Variants in RALYL observed in about 807,000 individuals in gnomAD.
RALYL encodes RNA-binding Raly-like protein.
A neutral mutation model predicts 35.1 loss-of-function variants in RALYL; 29 were observed. The observed-to-expected ratio is 0.83, with a 90% CI of 0.61 to 1.13. The LOEUF is 1.13. Among genes scored for constraint, RALYL ranks in the 50% most tolerant of loss-of-function variants. The pLI, the probability that RALYL is intolerant of heterozygous loss-of-function variation, is 0.00. For missense variants in RALYL, 359 were observed against 360.4 expected (o/e 1.00, Z 0.03); for synonymous variants, 120 against 127.6 (o/e 0.94, Z 0.40).
intron 1 of RALYL, among the ~76,000 whole-genome samples, chr8:84,211,995 A>G (rs571523740): frequency 6.6e-6 from 1 of 152,302 alleles, no homozygotes; most frequent in Non-Finnish European, 1.5e-5. Context: ...TAAGGAAGGT[A>G]AGTCCAAGGT....
At chr8:84,611,489 T>TA (rs1307774321) in intron 2 of RALYL, among the ~76,000 whole-genome samples, 1 of 152,074 alleles carries the variant, frequency 6.6e-6, no homozygotes, top group African/African-American at 2.4e-5. Context: ...AGGTATTAAA[T>TA]AGAGACACTT....
chr8:84,365,789 T>C (rs750744023), intron 1 of RALYL, among the ~76,000 whole-genome samples: 23 of 152,218 alleles, frequency 1.5e-4, no homozygotes, highest in Admixed American at 7.2e-4. Context: ...GGTTAGTACA[T>C]AGAATTGAAG....
intron 1 of RALYL, among the ~76,000 whole-genome samples, chr8:84,349,555 G>A (rs1460396978): frequency 6.7e-6 from 1 of 150,190 alleles, no homozygotes; most frequent in Non-Finnish European, 1.5e-5. Context: ...AGTTACTTGA[G>A]CTTCAAATTC....
chr8:84,294,878 A>G (rs1395744032), intron 1 of RALYL, among the ~76,000 whole-genome samples: 4 of 152,166 alleles, frequency 2.6e-5, no homozygotes, highest in East Asian at 1.9e-4. Flanking sequence ...ATGTTTGGCT[A>G]GGGAACATAA....
In RALYL at chr8:84,678,253, G is replaced by T. The variant is rs183812503; in HGVS notation, c.257-96326G>T. 4.2e-3 allele frequency among the ~76,000 whole-genome samples: 636 copies of T among 151,198 alleles called. 3 individuals carry two copies. The highest frequency in any genetic ancestry group is 0.014 in the African/African-American group (563 of 40,828). On this transcript the variant is annotated intron_variant, in intron 2 of 8. Transcript: ENST00000521268. The stretch of plus-strand genomic sequence containing the variant: ...TTTGCCCTGCAAGTATAGTTTTTTT[G>T]TTGTTTTTTTGTTTTTGTTTTTGTT...
chr8:84,346,718 C>T (rs1029915742), intron 1 of RALYL, among the ~76,000 whole-genome samples: 3 of 152,060 alleles, frequency 2.0e-5, no homozygotes, highest in Admixed American at 6.6e-5. Flanking sequence ...ATCTGCCCAT[C>T]TTAGCCTCCC....
At chr8:84,494,675 C>T (rs1378304718) in intron 1 of RALYL, among the ~76,000 whole-genome samples, 1 of 152,038 alleles carries the variant, frequency 6.6e-6, no homozygotes, top group East Asian at 1.9e-4. Context: ...AATAGTAATT[C>T]ATTCATGATT....
chr8:84,207,615 G>C (rs1241263031), intron 1 of RALYL, among the ~76,000 whole-genome samples: 3 of 151,964 alleles, frequency 2.0e-5, no homozygotes, highest in African/African-American at 7.2e-5. Flanking sequence ...CAGTTATGAT[G>C]GGTGAATAAG....
chr8:84,546,599 T>C (rs767256263), intron 2 of RALYL, among the ~76,000 whole-genome samples: 2 of 152,254 alleles, frequency 1.3e-5, no homozygotes, highest in Non-Finnish European at 2.9e-5. Context: ...TTTGTTATTA[T>C]GTTGCTGAAT....
chr8:84,496,542 G>A (rs185303329), intron 1 of RALYL, among the ~76,000 whole-genome samples: 1 of 152,162 alleles, frequency 6.6e-6, no homozygotes, highest in Admixed American at 6.6e-5. Flanking sequence ...AAATGAAGCT[G>A]CTATATATAC....
chr8:84,646,986 C>T (rs1564302500), intron 2 of RALYL, among the ~76,000 whole-genome samples: 1 of 152,022 alleles, frequency 6.6e-6, no homozygotes, highest in Non-Finnish European at 1.5e-5. Flanking sequence ...CCTTCTTTCT[C>T]CACACCCACA....
intron 2 of RALYL, among the ~76,000 whole-genome samples, chr8:84,650,330 A>T (rs1372471433): frequency 6.6e-6 from 1 of 152,044 alleles, no homozygotes; most frequent in Non-Finnish European, 1.5e-5. Context: ...CATCTGACAA[A>T]GGGCTAATAT....
chr8:84,854,128 C>T (rs1490675566), intron 5 of RALYL, among the ~76,000 whole-genome samples: 4 of 152,030 alleles, frequency 2.6e-5, no homozygotes, highest in Non-Finnish European at 5.9e-5. Flanking sequence ...GACGGATCAC[C>T]TGCAGTGGGG....
intron 6 of RALYL, among the ~76,000 whole-genome samples, chr8:84,869,891 T>G (rs1234220135): frequency 6.6e-6 from 1 of 152,170 alleles, no homozygotes; most frequent in African/African-American, 2.4e-5. Flanking sequence ...TTGGATTATA[T>G]CTTATGTCAC....
intron 1 of RALYL, among the ~76,000 whole-genome samples, chr8:84,411,716 A>G (rs1397831131): frequency 6.6e-6 from 1 of 151,976 alleles, no homozygotes; most frequent in Non-Finnish European, 1.5e-5. Flanking sequence ...ACCATTGATT[A>G]TTTGTTTAAA....
chr8:84,396,185 A>G (rs1266158439), intron 1 of RALYL, among the ~76,000 whole-genome samples: 3 of 152,028 alleles, frequency 2.0e-5, no homozygotes, highest in African/African-American at 7.2e-5. Flanking sequence ...GTCCTAGATC[A>G]GGATGCTTTT....
At chr8:84,636,739 T>C (rs1825144435) in intron 2 of RALYL, among the ~76,000 whole-genome samples, 1 of 151,900 alleles carries the variant, frequency 6.6e-6, no homozygotes, top group South Asian at 2.1e-4. Context: ...TTCTTTTTGA[T>C]GAAGAAAATC....
chr8:84,446,142 T>C (rs1447105277), intron 1 of RALYL, among the ~76,000 whole-genome samples: 1 of 152,060 alleles, frequency 6.6e-6, no homozygotes, highest in Non-Finnish European at 1.5e-5. Flanking sequence ...GTGTTTGATA[T>C]GTGTGCTTAT....
chr8:84,423,853 T>G (rs910748776), intron 1 of RALYL, among the ~76,000 whole-genome samples: 4 of 151,710 alleles, frequency 2.6e-5, no homozygotes, highest in Non-Finnish European at 5.9e-5. Context: ...AAAATTCTTT[T>G]CTTTAAGAAT....
Sources: gnomAD v4.1 joint callset for allele counts (sites outside exome capture counted in the v4.1 genomes callset) on GRCh38, gnomAD v4.1.1 for gene constraint, MANE v1.5 for transcripts, NCBI Gene and HGNC (gene_info 2026-07-23, HGNC 2026-07-21) for gene names.